The following PTPRA variants were observed in gnomAD, a reference collection of about 807,000 sequenced individuals.
The protein encoded by PTPRA is receptor-type tyrosine-protein phosphatase alpha.
PTPRA carries 25 observed loss-of-function variants against 104.8 expected under a neutral mutation model. The ratio of observed to expected loss-of-function variants is 0.24; its 90% confidence interval spans 0.17 to 0.33. The LOEUF is 0.33. Among genes scored for constraint, PTPRA ranks in the 10% least tolerant of loss-of-function variants. PTPRA has a pLI of 1.00. For synonymous variants in PTPRA, 323 were observed against 368.9 expected, an observed-to-expected ratio of 0.88 and a Z score of 1.43; for missense variants, 765 against 1,015.3, an observed-to-expected ratio of 0.75 and a Z score of 3.35.
Position 2,909,927 on chromosome 20 carries a change from T to TATA in PTPRA, c.-128-13279_-128-13277dup, listed in dbSNP as rs2059582766. Among the ~76,000 whole-genome samples the TATA allele has an allele frequency of 1.7e-4, 22 of 126,648 alleles. 1 individual carries two copies. The highest frequency in any genetic ancestry group is 1.0e-3 in the Admixed American group (12 of 11,490). 83.1% of individuals were successfully genotyped at this position (126,648 alleles called of 152,430 possible). ...ATGACATATATATGTTATATATTGT[T>TATA]ATATATAATATGTGTAATTATATAT... On this transcript the variant is annotated intron_variant, in intron 1 of 23. Transcript: ENST00000399903.
At chr20:2,882,975 C>CTTTTTT (rs752857166) in intron 1 of PTPRA, among the ~76,000 whole-genome samples, 10 of 113,656 alleles carry the variant, frequency 8.8e-5, no homozygotes, top group African/African-American at 2.4e-4. Context: ...AAATCCAACA[C>CTTTTTT]TTTTTTTTTT....
At chr20:2,903,094 T>A (rs941838760) in intron 1 of PTPRA, among the ~76,000 whole-genome samples, 18 of 152,218 alleles carry the variant, frequency 1.2e-4, no homozygotes, top group African/African-American at 4.3e-4. Context: ...TCTGAAACTT[T>A]TTGAATGCCT....
intron 1 of PTPRA, among the ~76,000 whole-genome samples, chr20:2,886,221 A>C (rs953536235): frequency 6.6e-6 from 1 of 152,214 alleles, no homozygotes; most frequent in Non-Finnish European, 1.5e-5. Context: ...TTTTTAAACA[A>C]TTTTAATTTT....
At chr20:2,883,214 A>G (rs2090164030) in intron 1 of PTPRA, among the ~76,000 whole-genome samples, 1 of 152,038 alleles carries the variant, frequency 6.6e-6, no homozygotes, top group African/African-American at 2.4e-5. Context: ...AATCTGAAAC[A>G]CTTCTGGTCC....
At chr20:2,993,373 T>C (rs1046792074) in intron 9 of PTPRA, among the ~76,000 whole-genome samples, 4 of 152,232 alleles carry the variant, frequency 2.6e-5, no homozygotes, top group African/African-American at 9.6e-5. Flanking sequence ...ACATCTAAGA[T>C]ACATAACTTC....
intron 3 of PTPRA, among the ~76,000 whole-genome samples, chr20:2,948,507 G>A (rs185939110): frequency 6.6e-6 from 1 of 152,148 alleles, no homozygotes; most frequent in African/African-American, 2.4e-5. Context: ...CCTTAATTCT[G>A]TATGTTTGCC....
Position 2,959,209 on chromosome 20 carries a change from C to A in PTPRA, c.-6-5063C>A, listed in dbSNP as rs560876283. On this transcript the variant is annotated intron_variant, in intron 3 of 23. Coordinates refer to ENST00000399903, the MANE Select transcript of PTPRA (RefSeq NM_001385305.1). ...CCTAGTGTACGCATACCAATTCTCT[C>A]CACAGCTTCCATCACCATGCATTTG... Among the ~76,000 whole-genome samples, 14 of 152,266 alleles carry A rather than the reference C, an allele frequency of 9.2e-5. No homozygotes were observed. In the South Asian group the frequency reaches 2.9e-3, roughly 32 times the overall value.
At chr20:2,973,045 T>C (rs1384554945) in intron 5 of PTPRA, among the ~76,000 whole-genome samples, 1 of 152,144 alleles carries the variant, frequency 6.6e-6, no homozygotes, top group African/African-American at 2.4e-5. Flanking sequence ...TCAAATGTAT[T>C]TGAATGAGGA....
chr20:2,987,864 C>T, intron 7 of PTPRA, 168 bp from the exon 8 acceptor site: 2 of 757,492 alleles, frequency 2.6e-6, no homozygotes, highest in Non-Finnish European at 2.4e-6. Flanking sequence ...GGTACTCGGT[C>T]ACCCCAGCAT....
Position 2,905,908 on chromosome 20 carries a change from A to G in PTPRA, c.-128-17299A>G, listed in dbSNP as rs536225144. Among the ~76,000 whole-genome samples, 6 of 151,336 alleles carry G rather than the reference A, an allele frequency of 4.0e-5. 1 individual carries two copies. In the South Asian group the frequency reaches 1.3e-3, roughly 32 times the overall value. The stretch of plus-strand genomic sequence containing the variant: ...TCCATGTTGGTCAGGCTGGTCTCGA[A>G]CTCCTGACCTCAGGTGATCCACCCG... On this transcript the variant is annotated intron_variant, in intron 1 of 23. Coordinates refer to ENST00000399903, the MANE Select transcript of PTPRA (RefSeq NM_001385305.1).
chr20:2,963,458 G>A (rs1490367200), intron 3 of PTPRA, among the ~76,000 whole-genome samples: 1 of 151,968 alleles, frequency 6.6e-6, no homozygotes, highest in Non-Finnish European at 1.5e-5. Flanking sequence ...GCCGGGCATG[G>A]TGGCACATGC....
At chr20:2,918,441 C>T (rs550929740) in intron 1 of PTPRA, among the ~76,000 whole-genome samples, 1 of 152,294 alleles carries the variant, frequency 6.6e-6, no homozygotes, top group African/African-American at 2.4e-5. Context: ...GCAGCAAGAC[C>T]AGTGGTTGCC....
intron 5 of PTPRA, among the ~76,000 whole-genome samples, chr20:2,968,491 CT>C (rs1410851911): frequency 4.9e-5 from 6 of 123,474 alleles, no homozygotes; most frequent in African/African-American, 2.2e-4. Context: ...CCTTCTCCCC[CT>C]CTTCCTTTTT....
At chr20:2,917,593 A>G (rs2059950214) in intron 1 of PTPRA, among the ~76,000 whole-genome samples, 1 of 152,170 alleles carries the variant, frequency 6.6e-6, no homozygotes, top group Non-Finnish European at 1.5e-5. Context: ...AAGCTTTTCA[A>G]AGGATGTTTG....
chr20:2,992,974 A>C (rs891072095), intron 9 of PTPRA, among the ~76,000 whole-genome samples: 1 of 152,198 alleles, frequency 6.6e-6, no homozygotes, highest in Non-Finnish European at 1.5e-5. Context: ...AGTTCCAGCT[A>C]CTGGGGAGGC....
At chr20:2,880,682 G>A (rs1014445257) in intron 1 of PTPRA, among the ~76,000 whole-genome samples, 4 of 152,154 alleles carry the variant, frequency 2.6e-5, no homozygotes, top group African/African-American at 7.2e-5. Flanking sequence ...ATGAACTTTC[G>A]TGCTCTGTCA....
At chr20:2,928,830 C>CTTT (rs762180655) in intron 2 of PTPRA, among the ~76,000 whole-genome samples, 5 of 135,448 alleles carry the variant, frequency 3.7e-5, no homozygotes, top group South Asian at 2.3e-4. Context: ...TTTTTTCTCT[C>CTTT]TTTTTTTTTT....
chr20:2,906,188 T>C (rs1046026384), intron 1 of PTPRA, among the ~76,000 whole-genome samples: 43 of 152,170 alleles, frequency 2.8e-4, no homozygotes, highest in Admixed American at 2.6e-4. Flanking sequence ...GAGGCCTTGG[T>C]TTTTTACCGT....
At chr20:3,011,070 A>G (rs970644950) in intron 11 of PTPRA, among the ~76,000 whole-genome samples, 7 of 152,250 alleles carry the variant, frequency 4.6e-5, no homozygotes, top group Admixed American at 3.9e-4. Context: ...GGATCTCTTC[A>G]TGGTAATGGC....
Sources: gnomAD v4.1 joint callset for allele counts (sites outside exome capture counted in the v4.1 genomes callset) on GRCh38, gnomAD v4.1.1 for gene constraint, MANE v1.5 for transcripts, NCBI Gene and HGNC (gene_info 2026-07-23, HGNC 2026-07-21) for gene names.